Variants in TTC34 observed in about 807,000 individuals in gnomAD.
TTC34 encodes tetratricopeptide repeat domain 34, also known as tetratricopeptide repeat protein 34.
A neutral mutation model predicts 40.7 loss-of-function variants in TTC34; 44 were observed. That is an observed-to-expected ratio of 1.08 (90% confidence interval 0.85 to 1.39). The LOEUF (loss-of-function observed/expected upper bound fraction) is 1.39. Among genes scored for constraint, TTC34 ranks in the 40% most tolerant of loss-of-function variants. TTC34 has a pLI of 0.00. For missense variants in TTC34, 884 were observed against 838.0 expected, an observed-to-expected ratio of 1.05 and a Z score of -0.68; for synonymous variants, 422 against 398.6, an observed-to-expected ratio of 1.06 and a Z score of -0.70.
At chr1:2,650,967 C>T (rs2100211124) in intron 6 of TTC34, among the ~76,000 whole-genome samples, 1 of 150,366 alleles carries the variant, frequency 6.7e-6, no homozygotes, top group Middle Eastern at 3.5e-3. Context: ...AGCATCACAC[C>T]ATCCAAATGG....
At chr1:2,683,705 C>A (rs1193995690) in intron 6 of TTC34, among the ~76,000 whole-genome samples, 2 of 148,618 alleles carry the variant, frequency 1.3e-5, no homozygotes, top group Non-Finnish European at 1.5e-5. Flanking sequence ...CCTGGAACAG[C>A]ACCCACACCC....
intron 6 of TTC34, among the ~76,000 whole-genome samples, chr1:2,750,685 A>T (rs1569690506): frequency 4.5e-5 from 4 of 89,520 alleles, no homozygotes; most frequent in Non-Finnish European, 4.5e-5. Flanking sequence ...AGCACCCTGC[A>T]CCCCCAAGTG....
intron 6 of TTC34, among the ~76,000 whole-genome samples, chr1:2,782,763 C>A (rs1356448649): frequency 1.3e-5 from 2 of 152,172 alleles, no homozygotes; most frequent in Non-Finnish European, 2.9e-5. Context: ...TTAGCTCCCT[C>A]CTCCTTTTAC....
chr1:2,775,540 C>T (rs539421350), intron 6 of TTC34: 1 of 148,176 alleles, frequency 6.7e-6, no homozygotes, highest in East Asian at 2.0e-4. Flanking sequence ...ACAACCAGAA[C>T]CTGCACCACA....
intron 6 of TTC34, among the ~76,000 whole-genome samples, chr1:2,698,446 C>A (rs1406783430): frequency 1.8e-5 from 2 of 108,916 alleles, no homozygotes; most frequent in South Asian, 3.3e-4. Flanking sequence ...AGCACCCACA[C>A]CCCCAGGTGG....
At chr1:2,685,798 C>T (rs1640309720) in intron 6 of TTC34, among the ~76,000 whole-genome samples, 5 of 97,910 alleles carry the variant, frequency 5.1e-5, no homozygotes, top group South Asian at 3.3e-4. Flanking sequence ...AGAACCCACA[C>T]CCCCAGGTGA....
intron 6 of TTC34, among the ~76,000 whole-genome samples, chr1:2,754,754 T>C (rs1641447471): frequency 6.9e-6 from 1 of 144,260 alleles, no homozygotes; most frequent in African/African-American, 2.7e-5. Flanking sequence ...GGTGCGCATG[T>C]GATGGTCTGG....
At chr1:2,749,524 T>C (rs1299230837) in intron 6 of TTC34, among the ~76,000 whole-genome samples, 85 of 14,736 alleles carry the variant, frequency 5.8e-3, no homozygotes, top group South Asian at 0.015. Flanking sequence ...GCACCCAGAT[T>C]CCCAGGCAAG....
intron 6 of TTC34, among the ~76,000 whole-genome samples, chr1:2,695,660 G>C (rs1640828784): frequency 1.4e-5 from 2 of 138,604 alleles, no homozygotes; most frequent in Admixed American, 7.3e-5. Flanking sequence ...CTGACCGCCT[G>C]GAACAGCACC....
chr1:2,798,730 T>C (rs964524253), intron 2 of TTC34, among the ~76,000 whole-genome samples: 72 of 6,212 alleles, frequency 0.012, no homozygotes, highest in Non-Finnish European at 0.013. Context: ...TCTCAGCCCC[T>C]CAGCCCCCCA....
At position 2,698,450 on chromosome 1, in the gene TTC34, C is replaced by A. The variant is rs538217157; in HGVS notation, c.2227-52887G>T. Among the ~76,000 whole-genome samples the A allele has an allele frequency of 3.5e-5, 4 of 112,766 alleles. 1 individual carries two copies. The highest frequency in any genetic ancestry group is 3.2e-4 in the South Asian group (1 of 3,158). 74.0% of individuals were successfully genotyped at this position (112,766 alleles called of 152,430 possible). On this transcript the variant is annotated intron_variant, in intron 6 of 8. Coordinates refer to ENST00000401095, the Ensembl canonical transcript of TTC34. ...CAGCCTGGAGCAGCACCCACACCCCCAGGTGGGCATGTGACAGCCTGGATC... is the reference window on the plus strand; with the variant it reads ...CAGCCTGGAGCAGCACCCACACCCCAAGGTGGGCATGTGACAGCCTGGATC...
chr1:2,685,438 C>G (rs1258416500), intron 6 of TTC34, among the ~76,000 whole-genome samples: 2 of 129,428 alleles, frequency 1.5e-5, no homozygotes, highest in Non-Finnish European at 3.2e-5. Context: ...AGCGCCCACA[C>G]TGCAGGGCGA....
chr1:2,698,491 AGGCGAGCATCT>A (rs2100402114), intron 6 of TTC34, among the ~76,000 whole-genome samples: 1 of 129,860 alleles, frequency 7.7e-6, no homozygotes, highest in Non-Finnish European at 1.7e-5. Flanking sequence ...CCACACTCCC[AGGCGAGCATCT>A]GACAGCCTGA....
intron 6 of TTC34, among the ~76,000 whole-genome samples, chr1:2,685,905 GAAC>G (rs1640316510): frequency 8.2e-6 from 1 of 121,764 alleles, no homozygotes. Context: ...TGACAGCCTG[GAAC>G]AGCACGCACA....
At chr1:2,640,078 A>G (rs1180581790) in exon 9 of TTC34, 2 of 152,370 alleles carry the variant, frequency 1.3e-5, no homozygotes, top group Admixed American at 1.3e-4. Context: ...AGACCATGGA[A>G]GGAAGCGGCA....
chr1:2,681,867 C>T (rs1162183262), intron 6 of TTC34, among the ~76,000 whole-genome samples: 2 of 117,662 alleles, frequency 1.7e-5, no homozygotes, highest in South Asian at 5.6e-4. Context: ...ACCCACACGC[C>T]CAGGTGAGCA....
Position 2,772,994 on chromosome 1 carries a change from G to A in TTC34, c.2226+10615C>T, listed in dbSNP as rs1359572678. Among the ~76,000 whole-genome samples, 9 of 150,540 alleles carry A rather than the reference G, an allele frequency of 6.0e-5. No individual in the cohort carries two copies. The East Asian group carries it at 1.8e-3, about 30-fold the overall frequency. On this transcript the variant is annotated intron_variant, in intron 6 of 8. Coordinates refer to ENST00000401095, the Ensembl canonical transcript of TTC34. The stretch of plus-strand genomic sequence containing the variant: ...CATGCACACCCCCAGGCGAGCATCT[G>A]ACAGCCTGGAGCAGCACCCACACCC...
intron 2 of TTC34, among the ~76,000 whole-genome samples, chr1:2,794,149 C>T (rs55657723): frequency 0.018 from 2,672 of 152,102 alleles, 61 homozygotes; most frequent in African/African-American, 0.057. Context: ...GTATGCACCA[C>T]GTGCCTGGAT....
intron 6 of TTC34, among the ~76,000 whole-genome samples, chr1:2,651,895 C>A (rs1439222659): frequency 1.3e-5 from 2 of 151,944 alleles, no homozygotes; most frequent in Admixed American, 1.3e-4. Flanking sequence ...TTTGGGTGAG[C>A]AGCTGAGAAA....
Sources: allele counts gnomAD v4.1 joint callset (sites outside exome capture counted in the v4.1 genomes callset), GRCh38; gene constraint gnomAD v4.1.1; transcripts MANE v1.5; gene names NCBI Gene and HGNC (gene_info 2026-07-23, HGNC 2026-07-21).